The following CNTN4 variants were observed in gnomAD, a reference collection of about 807,000 sequenced individuals.
CNTN4 encodes contactin 4.
A neutral mutation model predicts 122.5 loss-of-function variants in CNTN4; 77 were observed. The observed-to-expected ratio is 0.63, with a 90% CI of 0.52 to 0.76. The LOEUF is 0.76. CNTN4 is among the 30% of genes least tolerant of loss of function. The pLI, the probability that CNTN4 is intolerant of heterozygous loss-of-function variation, is 0.00. For missense variants in CNTN4, 1,256 were observed against 1,259.1 expected, an observed-to-expected ratio of 1.00 and a Z score of 0.04; for synonymous variants, 512 against 447.0, an observed-to-expected ratio of 1.15 and a Z score of -1.83.
chr3:2,576,078 G>A lies in CNTN4; in HGVS notation c.55+4520G>A, dbSNP rs927449078. ...TCTCGATCTCCTGACCTTGTGATCTGCCCACCTCGGCCTCCCAGAGTGCTG... is the reference window on the plus strand; with the variant it reads ...TCTCGATCTCCTGACCTTGTGATCTACCCACCTCGGCCTCCCAGAGTGCTG... On this transcript the variant is annotated intron_variant, in intron 4 of 24. Transcript: ENST00000418658. Among the ~76,000 whole-genome samples the A allele has an allele frequency of 1.4e-4, 21 of 151,942 alleles. 1 individual carries two copies. The highest frequency in any genetic ancestry group is 2.8e-4 in the Non-Finnish European group (19 of 67,986).
At chr3:2,124,473 C>CACACACACACACACA (rs1553570119) in intron 2 of CNTN4, among the ~76,000 whole-genome samples, 1 of 147,144 alleles carries the variant, frequency 6.8e-6, no homozygotes, top group African/African-American at 2.5e-5. Flanking sequence ...CACACACACA[C>CACACACACACACACA]CCCCTTAAGC....
At chr3:2,182,471 C>G (rs560633054) in intron 2 of CNTN4, among the ~76,000 whole-genome samples, 2 of 151,636 alleles carry the variant, frequency 1.3e-5, no homozygotes, top group Non-Finnish European at 2.9e-5. Context: ...CAAGTTAAGT[C>G]TTTTCATCTT....
intron 3 of CNTN4, among the ~76,000 whole-genome samples, chr3:2,519,638 A>G (rs963163409): frequency 6.6e-5 from 10 of 152,334 alleles, no homozygotes; most frequent in East Asian, 1.9e-4. Flanking sequence ...GTTGTCAGGC[A>G]ATAGGGAGTC....
chr3:2,701,787 A>C (rs1035134753), intron 4 of CNTN4, among the ~76,000 whole-genome samples: 1 of 152,116 alleles, frequency 6.6e-6, no homozygotes, highest in East Asian at 1.9e-4. Flanking sequence ...AGGAATCCTT[A>C]ATTATTAGAT....
chr3:2,520,189 C>A (rs1174021203), intron 3 of CNTN4, among the ~76,000 whole-genome samples: 1 of 145,720 alleles, frequency 6.9e-6, no homozygotes, highest in South Asian at 2.2e-4. Context: ...ATTTTTATTT[C>A]TACTGGGGTG....
intron 19 of CNTN4, chr3:3,039,750 G>GTT (rs34794867): frequency 8.0e-3 from 2,882 of 360,194 alleles, no homozygotes; most frequent in Middle Eastern, 0.015. Context: ...GATGTCCAGT[G>GTT]TTTTTTTTTT....
chr3:2,665,961 A>G (rs2084135545), intron 4 of CNTN4, among the ~76,000 whole-genome samples: 1 of 152,176 alleles, frequency 6.6e-6, no homozygotes, highest in African/African-American at 2.4e-5. Context: ...TTGGTAAAGG[A>G]TATTATCGAT....
intron 14 of CNTN4, among the ~76,000 whole-genome samples, chr3:3,008,753 G>A (rs1442190611): frequency 6.6e-6 from 1 of 152,182 alleles, no homozygotes; most frequent in Non-Finnish European, 1.5e-5. Context: ...ACTAGCTATA[G>A]CTTGATGCAA....
intron 12 of CNTN4, among the ~76,000 whole-genome samples, chr3:2,918,560 G>A (rs577734299): frequency 2.0e-5 from 3 of 152,156 alleles, no homozygotes; most frequent in Non-Finnish European, 2.9e-5. Context: ...TCAACCCAGC[G>A]TTCAGTGACT....
intron 3 of CNTN4, among the ~76,000 whole-genome samples, chr3:2,508,536 G>A (rs1196674826): frequency 2.0e-5 from 3 of 152,100 alleles, no homozygotes; most frequent in Non-Finnish European, 1.5e-5. Context: ...ATTTAGCTTG[G>A]TGAATCTTGT....
rs555309792 is a variant in CNTN4, at chr3:2,588,497, C to G, written c.55+16939C>G. Among the ~76,000 whole-genome samples the G allele has an allele frequency of 6.6e-5, 10 of 152,014 alleles. 1 individual carries two copies. In the South Asian group the frequency reaches 1.2e-3, roughly 19 times the overall value. ...TTCTCCTGCCTCAGCCTCCAAGTAG[C>G]TGGGATTATAGGCTCTCACCACCAT... On this transcript the variant is annotated intron_variant, in intron 4 of 24. Transcript: ENST00000418658.
intron 12 of CNTN4, among the ~76,000 whole-genome samples, chr3:2,916,246 C>A (rs574274709): frequency 6.7e-5 from 10 of 150,080 alleles, no homozygotes; most frequent in Non-Finnish European, 1.3e-4. Context: ...GGTGTTTCTC[C>A]GAGAGGGGGA....
intron 13 of CNTN4, among the ~76,000 whole-genome samples, chr3:2,968,630 T>C (rs910590639): frequency 6.6e-6 from 1 of 152,212 alleles, no homozygotes; most frequent in Non-Finnish European, 1.5e-5. Flanking sequence ...AGTCCACCAC[T>C]ACTACCACCA....
chr3:2,848,418 G>A (rs1283191506), intron 7 of CNTN4, among the ~76,000 whole-genome samples: 1 of 152,194 alleles, frequency 6.6e-6, no homozygotes, highest in Non-Finnish European at 1.5e-5. Context: ...AGAAGGTAGA[G>A]TTTGAAAACA....
At chr3:2,222,568 T>G (rs966647786) in intron 2 of CNTN4, among the ~76,000 whole-genome samples, 2 of 152,218 alleles carry the variant, frequency 1.3e-5, no homozygotes, top group East Asian at 3.9e-4. Context: ...AATACATGAA[T>G]TGTATACTTT....
chr3:2,699,892 G>T (rs1040355677), intron 4 of CNTN4, among the ~76,000 whole-genome samples: 1 of 152,098 alleles, frequency 6.6e-6, no homozygotes, highest in Non-Finnish European at 1.5e-5. Flanking sequence ...CTGAATCTCT[G>T]CACAAATTCA....
chr3:2,906,844 C>CAA (rs11287897), intron 12 of CNTN4, among the ~76,000 whole-genome samples: 1 of 122,406 alleles, frequency 8.2e-6, no homozygotes, highest in Non-Finnish European at 1.7e-5. Flanking sequence ...AACTCCTTCT[C>CAA]AAAAAAAAAA....
At chr3:3,045,175 G>C (rs886245935) in intron 23 of CNTN4, among the ~76,000 whole-genome samples, 5 of 152,214 alleles carry the variant, frequency 3.3e-5, no homozygotes, top group African/African-American at 9.6e-5. Context: ...AGCTCAAGGA[G>C]GCCTGCCTGC....
intron 5 of CNTN4, among the ~76,000 whole-genome samples, chr3:2,744,187 G>A: frequency 6.6e-6 from 1 of 152,218 alleles, no homozygotes; most frequent in East Asian, 1.9e-4. Flanking sequence ...AAATGGCTTT[G>A]AAGTGGGACA....
Sources: allele counts gnomAD v4.1 joint callset (sites outside exome capture counted in the v4.1 genomes callset), GRCh38; gene constraint gnomAD v4.1.1; transcripts MANE v1.5; gene names NCBI Gene and HGNC (gene_info 2026-07-23, HGNC 2026-07-21).